The following PCDHA11 variants were observed in gnomAD, a reference collection of about 807,000 sequenced individuals.
The protein encoded by PCDHA11 is protocadherin alpha 11.
Under a neutral mutation model 70.3 loss-of-function variants are expected in PCDHA11, and 61 were observed. The ratio of observed to expected loss-of-function variants is 0.87; its 90% CI spans 0.71 to 1.07. The LOEUF is 1.07. Among genes scored for constraint, PCDHA11 ranks in the 50% least tolerant of loss-of-function variants. The pLI is 0.00. For missense variants in PCDHA11, 1,324 were observed against 1,237.5 expected, an observed-to-expected ratio of 1.07 and a Z score of -1.05; for synonymous variants, 633 against 555.1, an observed-to-expected ratio of 1.14 and a Z score of -1.97.
chr5:140,937,868 C>T (rs1433466146), intron 1 of PCDHA11, among the ~76,000 whole-genome samples: 2 of 150,648 alleles, frequency 1.3e-5, no homozygotes, highest in Admixed American at 6.6e-5. Context: ...GCCGAGATCG[C>T]GCCACTGCAC....
Position 141,010,440 on chromosome 5 carries a change from A to G in PCDHA11, c.*503A>G, listed in dbSNP as rs1279403327. 3 of 984,540 alleles carry G rather than the reference A, an allele frequency of 3.0e-6. No individual in the cohort carries two copies. Among genetic ancestry groups the G allele is most frequent in the Admixed American group, 5.9e-5 (2 of 34,150 alleles). The allele number at this position is 984,540 out of a possible 1,614,324, so 61.0% of individuals were successfully genotyped here. On this transcript the variant is annotated 3_prime_UTR_variant, in exon 4 of 4. Transcript: ENST00000398640. The stretch of plus-strand genomic sequence containing the variant: ...CAAGGAAGGCAAGAAAACAAAGACA[A>G]ATAAACAGCGGAAGTTATCAGTATG...
rs782619046 is a variant in PCDHA11, at chr5:140,870,657, G to T, written c.1554G>T (p.Ala518=). The change falls in exon 1 of 4, where the codon GCG becomes GCT. Residue 518 remains alanine (A), a synonymous_variant. Coordinates refer to ENST00000398640, the MANE Select transcript of PCDHA11 (RefSeq NM_018902.5). ...SVHAESGKVY[A]LQPLDHEELE... ...ACGCGGAGAGCGGCAAGGTGTACGC[G>T]CTGCAGCCGTTGGACCACGAGGAGC... 6.2e-7 allele frequency: 1 copy of T among 1,612,514 alleles called. No homozygotes were observed. Among genetic ancestry groups the T allele is most frequent in the Non-Finnish European group, 8.5e-7 (1 of 1,179,770 alleles).
intron 1 of PCDHA11, among the ~76,000 whole-genome samples, chr5:140,951,625 A>T (rs2094607568): frequency 6.6e-6 from 1 of 152,114 alleles, no homozygotes; most frequent in African/African-American, 2.4e-5. Flanking sequence ...CAAGGGGGAA[A>T]CCTGCCCCAT....
chr5:140,968,994 G>A lies in PCDHA11; in HGVS notation c.2392-9955G>A. 6.2e-7 allele frequency: 1 copy of A among 1,614,216 alleles called. No individual in the cohort carries two copies. The highest frequency in any genetic ancestry group is 8.5e-7 in the Non-Finnish European group (1 of 1,180,038). On this transcript the variant is annotated intron_variant, in intron 1 of 3. Transcript: ENST00000398640. ...ACTGCGTATGGCACTGCATGCTGTG[G>A]AGGCTTCTGTGGAGTAAGGGAAAGG...
At chr5:140,976,782 A>G (rs1209900673) in intron 1 of PCDHA11, among the ~76,000 whole-genome samples, 1 of 152,212 alleles carries the variant, frequency 6.6e-6, no homozygotes, top group African/African-American at 2.4e-5. Flanking sequence ...CTGACTATAT[A>G]GCTACGCTTT....
chr5:140,869,102 C>G lies in PCDHA11; in HGVS notation c.-2C>G. 1 of 1,598,758 alleles carries G rather than the reference C, an allele frequency of 6.3e-7. No individual in the cohort carries two copies. Among genetic ancestry groups the G allele is most frequent in the Non-Finnish European group, 8.5e-7 (1 of 1,171,676 alleles). ...TTATTTTGGAAGCCAATTTCGTATG[C>G]GATGTTTGGTTTTCAGAGAAGGGGA... On this transcript the variant is annotated 5_prime_UTR_variant, in exon 1 of 4. Transcript: ENST00000398640.
intron 1 of PCDHA11, chr5:140,969,073 G>A (rs781937942): frequency 1.4e-5 from 23 of 1,613,974 alleles, no homozygotes; most frequent in South Asian, 5.5e-5. Context: ...CCAGGATACC[G>A]CATGGCCTCA....
chr5:140,905,160 A>G (rs1554191931), intron 1 of PCDHA11, among the ~76,000 whole-genome samples: 2 of 152,304 alleles, frequency 1.3e-5, no homozygotes, highest in East Asian at 1.9e-4. Flanking sequence ...TAGAATTTTC[A>G]TGGTTTCAGG....
intron 2 of PCDHA11, among the ~76,000 whole-genome samples, chr5:140,982,084 A>G (rs2096965344): frequency 6.6e-6 from 1 of 152,266 alleles, no homozygotes; most frequent in East Asian, 1.9e-4. Flanking sequence ...TAGAGAACCT[A>G]GGAACAAGAG....
At chr5:140,972,906 C>T (rs1554234702) in intron 1 of PCDHA11, among the ~76,000 whole-genome samples, 1 of 152,048 alleles carries the variant, frequency 6.6e-6, no homozygotes, top group African/African-American at 2.4e-5. Context: ...TTGTGATCCA[C>T]CCGCCTTGGC....
At chr5:140,956,724 C>T (rs2095305540) in intron 1 of PCDHA11, among the ~76,000 whole-genome samples, 1 of 152,176 alleles carries the variant, frequency 6.6e-6, no homozygotes, top group South Asian at 2.1e-4. Flanking sequence ...AGAATTGGTA[C>T]CAGCTCCTCT....
intron 1 of PCDHA11, among the ~76,000 whole-genome samples, chr5:140,955,262 C>CT (rs1165777806): frequency 1.3e-5 from 2 of 152,044 alleles, no homozygotes; most frequent in African/African-American, 2.4e-5. Flanking sequence ...TATAAAGGCT[C>CT]TTTTTTGGTT....
chr5:140,885,011 C>T (rs545880418), intron 1 of PCDHA11, among the ~76,000 whole-genome samples: 16 of 152,240 alleles, frequency 1.1e-4, no homozygotes, highest in Admixed American at 5.9e-4. Context: ...TGAGGCTAAT[C>T]GTAATCTTAA....
intron 1 of PCDHA11, chr5:140,877,468 C>A (rs781957457): frequency 6.2e-7 from 1 of 1,613,810 alleles, no homozygotes; most frequent in South Asian, 1.1e-5. Flanking sequence ...GGCCACGGTG[C>A]TGGTGTCGCT....
At chr5:140,905,594 G>A (rs62384488) in intron 1 of PCDHA11, among the ~76,000 whole-genome samples, 48,024 of 151,986 alleles carry the variant, frequency 0.32, 7,949 homozygotes, top group East Asian at 0.53. Flanking sequence ...ATTTTGCTGG[G>A]AATTGCATTG....
intron 3 of PCDHA11, among the ~76,000 whole-genome samples, chr5:140,991,199 C>G (rs1554252002): frequency 6.6e-6 from 1 of 152,150 alleles, no homozygotes; most frequent in East Asian, 1.9e-4. Context: ...CAATGATGCT[C>G]AATAAATTTT....
chr5:140,921,440 G>C (rs1026829665), intron 1 of PCDHA11, among the ~76,000 whole-genome samples: 1 of 152,056 alleles, frequency 6.6e-6, no homozygotes, highest in South Asian at 2.1e-4. Flanking sequence ...CTTCAATGGT[G>C]TCTGAAAAGG....
rs577931904 is a variant in PCDHA11 at position 140,968,275 on chromosome 5, G to A, written c.2392-10674G>A. On this transcript the variant is annotated intron_variant, in intron 1 of 3. Coordinates refer to ENST00000398640, the MANE Select transcript of PCDHA11 (RefSeq NM_018902.5). ...ACCCAGATGAAAAGGAGAATGCAGA[G>A]GTGACCTACTCCCTTCTGGAGAGGG... is the stretch of plus-strand genomic sequence containing the variant. The A allele has an allele frequency of 5.0e-6, 8 of 1,614,040 alleles. No individual in the cohort carries two copies. The African/African-American group carries it at 8.0e-5, about 16-fold the overall frequency.
At chr5:140,886,921 C>T (rs778306326) in intron 1 of PCDHA11, among the ~76,000 whole-genome samples, 2 of 151,406 alleles carry the variant, frequency 1.3e-5, no homozygotes, top group African/African-American at 4.9e-5. Context: ...TGAGTGTTCT[C>T]TATGTGCCAG....
Sources: gnomAD v4.1 joint callset for allele counts (sites outside exome capture counted in the v4.1 genomes callset) on GRCh38, gnomAD v4.1.1 for gene constraint, MANE v1.5 for transcripts, NCBI Gene and HGNC (gene_info 2026-07-23, HGNC 2026-07-21) for gene names.